SATB2: variants seen among roughly 807,000 people sequenced by gnomAD.
SATB2 encodes SATB homeobox 2.
SATB2 carries 1 observed loss-of-function variant against 73.4 expected under a neutral mutation model. The observed-to-expected ratio is 0.01, with a 90% CI of 0.00 to 0.06. The LOEUF (loss-of-function observed/expected upper bound fraction) is 0.06. Among genes scored for constraint, SATB2 ranks in the 10% least tolerant of loss-of-function variants. The pLI is 1.00. For missense variants in SATB2, 459 were observed against 945.8 expected, an observed-to-expected ratio of 0.49 and a Z score of 6.75; for synonymous variants, 397 against 367.0, an observed-to-expected ratio of 1.08 and a Z score of -0.93.
intron 3 of SATB2, among the ~76,000 whole-genome samples, chr2:199,431,513 A>C (rs563249770): frequency 6.6e-6 from 1 of 152,370 alleles, no homozygotes; most frequent in Admixed American, 6.5e-5. Context: ...ACTTATAAAT[A>C]GTAGAATATT....
At chr2:199,315,224 T>C (rs1457653586) in intron 9 of SATB2, among the ~76,000 whole-genome samples, 5 of 152,044 alleles carry the variant, frequency 3.3e-5, no homozygotes, top group Admixed American at 3.3e-4. Context: ...ATATTAGAGT[T>C]TTTAAAGCTC....
chr2:199,411,317 T>A (rs965634192), intron 3 of SATB2, among the ~76,000 whole-genome samples: 1 of 152,192 alleles, frequency 6.6e-6, no homozygotes, highest in Non-Finnish European at 1.5e-5. Context: ...ACTCGCCAAG[T>A]ACATCTATGC....
chr2:199,467,019 G>A (rs1214303105), upstream of SATB2, among the ~76,000 whole-genome samples: 7 of 152,372 alleles, frequency 4.6e-5, no homozygotes, highest in East Asian at 1.4e-3. Flanking sequence ...CATCTTACAC[G>A]TGCGGCCCCG....
intron 7 of SATB2, among the ~76,000 whole-genome samples, chr2:199,340,413 CAATGAACTG>C: frequency 6.6e-6 from 1 of 152,136 alleles, no homozygotes; most frequent in South Asian, 2.1e-4. Flanking sequence ...ACAACTTTTT[CAATGAACTG>C]AAGGAGCAAG....
chr2:199,329,144 CA>C, intron 7 of SATB2: 1 of 551,272 alleles, frequency 1.8e-6, no homozygotes, highest in Admixed American at 2.8e-5. Context: ...CTGTAATAAT[CA>C]TCAGTGTACA....
Position 199,271,400 on chromosome 2 carries a change from A to C in SATB2, c.*811T>G, listed in dbSNP as rs761048331. The C allele has an allele frequency of 6.6e-6, 1 of 152,618 alleles. No individual in the cohort carries two copies. Among genetic ancestry groups the C allele is most frequent in the Non-Finnish European group, 1.5e-5 (1 of 67,932 alleles). 9.5% of individuals were successfully genotyped at this position (152,618 alleles called of 1,614,324 possible). On this transcript the variant is annotated 3_prime_UTR_variant, in exon 11 of 11. Transcript: ENST00000417098. ...GCAAGTCATTTTATTGAGTCATTTT[A>C]AGTGTGCATTGTGTCTTTAAGATTT...
chr2:199,274,726 A>C (rs1248804720), intron 10 of SATB2, among the ~76,000 whole-genome samples: 1 of 151,968 alleles, frequency 6.6e-6, no homozygotes, highest in African/African-American at 2.4e-5. Flanking sequence ...TTCAACTAAG[A>C]GTAAACTCAT....
At chr2:199,309,064 T>G (rs1331052409) in intron 9 of SATB2, 107 bp from the exon 10 acceptor site, 7 of 965,500 alleles carry the variant, frequency 7.3e-6, no homozygotes, top group Non-Finnish European at 8.1e-6. Flanking sequence ...CTGTCAAAAT[T>G]GTTCCTGCCA....
rs555578334 is a variant in SATB2, at chr2:199,435,249, T to G, written c.170-1735A>C. Among the ~76,000 whole-genome samples the G allele has an allele frequency of 3.9e-4, 59 of 152,236 alleles. 1 individual carries two copies. Among genetic ancestry groups the G allele is most frequent in the Admixed American group, 9.2e-4 (14 of 15,284 alleles). The stretch of plus-strand genomic sequence containing the variant: ...CACAATGCCTTGTAAGATATATTTT[T>G]TAATTGTGATCATTACTGGTATATG... On this transcript the variant is annotated intron_variant, in intron 2 of 10. Coordinates refer to ENST00000417098, the MANE Select transcript of SATB2 (RefSeq NM_001172509.2).
At chr2:199,355,670 T>C (rs1199303583) in intron 6 of SATB2, among the ~76,000 whole-genome samples, 2 of 152,016 alleles carry the variant, frequency 1.3e-5, no homozygotes, top group Non-Finnish European at 2.9e-5. Context: ...AAGAATTACC[T>C]GTAAAGTGGT....
At chr2:199,298,073 G>C (rs1284469485) in intron 10 of SATB2, among the ~76,000 whole-genome samples, 2 of 152,116 alleles carry the variant, frequency 1.3e-5, no homozygotes, top group East Asian at 3.9e-4. Context: ...ATTCTATGCT[G>C]ACACCATCCT....
At chr2:199,390,350 T>A (rs1690093116) in intron 3 of SATB2, among the ~76,000 whole-genome samples, 1 of 152,222 alleles carries the variant, frequency 6.6e-6, no homozygotes, top group African/African-American at 2.4e-5. Flanking sequence ...GGGTTGGTTC[T>A]AAACTTCTGT....
intron 5 of SATB2, among the ~76,000 whole-genome samples, chr2:199,378,312 C>A (rs1207556605): frequency 6.6e-6 from 1 of 152,226 alleles, no homozygotes; most frequent in African/African-American, 2.4e-5. Context: ...CACTTCCACA[C>A]AAAGCCCATT....
At chr2:199,442,179 T>C (rs1258336959) in intron 2 of SATB2, among the ~76,000 whole-genome samples, 1 of 152,230 alleles carries the variant, frequency 6.6e-6, no homozygotes, top group African/African-American at 2.4e-5. Flanking sequence ...CCACCATTAA[T>C]AGGCAGTGTC....
intron 3 of SATB2, among the ~76,000 whole-genome samples, chr2:199,390,054 T>A (rs1341394146): frequency 1.3e-5 from 2 of 151,992 alleles, no homozygotes; most frequent in Non-Finnish European, 2.9e-5. Flanking sequence ...ATATAAGCAC[T>A]AAGTAACTAG....
intron 10 of SATB2, among the ~76,000 whole-genome samples, chr2:199,280,833 C>T (rs10177944): frequency 0.03 from 4,615 of 152,234 alleles, 249 homozygotes; most frequent in African/African-American, 0.11. Context: ...CCTGTGATCT[C>T]GCCCTGCCTC....
At chr2:199,334,103 AG>A (rs1351300384) in intron 7 of SATB2, among the ~76,000 whole-genome samples, 1 of 152,170 alleles carries the variant, frequency 6.6e-6, no homozygotes, top group Admixed American at 6.6e-5. Flanking sequence ...AGGATATAGT[AG>A]GAAAGTGTTA....
intron 3 of SATB2, among the ~76,000 whole-genome samples, chr2:199,427,624 G>A (rs937048706): frequency 6.6e-6 from 1 of 151,968 alleles, no homozygotes; most frequent in African/African-American, 2.4e-5. Flanking sequence ...GTGAGAAGTG[G>A]GTAGGGAAAG....
chr2:199,303,944 G>A (rs11888174), intron 10 of SATB2, among the ~76,000 whole-genome samples: 3,011 of 152,298 alleles, frequency 0.02, 98 homozygotes, highest in African/African-American at 0.068. Flanking sequence ...CATGGAAACA[G>A]TGTGGTGGAA....
Sources: allele counts gnomAD v4.1 joint callset (sites outside exome capture counted in the v4.1 genomes callset), GRCh38; gene constraint gnomAD v4.1.1; transcripts MANE v1.5; gene names NCBI Gene and HGNC (gene_info 2026-07-23, HGNC 2026-07-21).